Variants in MARVELD3 observed in about 807,000 individuals in gnomAD.
MARVELD3 encodes MARVEL domain containing 3.
In MARVELD3, 28 loss-of-function variants were observed where a neutral mutation model predicts 33.5. That is an observed-to-expected ratio of 0.84 (90% CI 0.62 to 1.15). The LOEUF is 1.15. Among genes scored for constraint, MARVELD3 ranks in the 50% most tolerant of loss-of-function variants. MARVELD3 has a pLI of 0.00. For synonymous variants in MARVELD3, 241 were observed against 230.4 expected, an observed-to-expected ratio of 1.05 and a Z score of -0.42; for missense variants, 582 against 547.6, an observed-to-expected ratio of 1.06 and a Z score of -0.63.
rs368439463 is a variant in MARVELD3, at chr16:71,634,517, G to T, written c.920G>T (p.Gly307Val). The T allele has an allele frequency of 3.8e-5, 61 of 1,614,174 alleles. No homozygotes were observed. The highest frequency in any genetic ancestry group is 3.0e-4 in the South Asian group (27 of 91,084). Residue 307 changes from glycine to valine, a missense_variant, in exon 3 of 3, where the codon GGC (glycine) becomes GTC (valine). Coordinates refer to ENST00000268485, the MANE Select transcript of MARVELD3 (RefSeq NM_052858.6). Reference protein sequence around the residue: ...WHCPLLLVTEGLLDMLIAGGY... With the variant: ...WHCPLLLVTEVLLDMLIAGGY... ...TGTCCACTGTTGCTGGTGACCGAAG[G>T]CTTGTTGGACATGCTCATCGCGGGG...
At chr16:71,633,433 G>A (rs1399088992) in intron 2 of MARVELD3, among the ~76,000 whole-genome samples, 3 of 152,096 alleles carry the variant, frequency 2.0e-5, no homozygotes, top group Admixed American at 1.3e-4. Context: ...ACGGAGTGTC[G>A]CCCAGGCTAG....
rs1331439529 is a variant in MARVELD3 at position 71,634,290 on chromosome 16, CT to C, written c.695del (p.Leu232TrpfsTer34). On this transcript the variant is annotated frameshift_variant, in exon 3 of 3. Transcript: ENST00000268485. LOFTEE classifies it high-confidence loss of function. The part of the protein sequence containing the change: ...STGGYTGITS[L>X]GGIYYYQFGG... ...CAGGGGGCTACACGGGCATCACCAG[CT>C]TGGGGGGCATTTACTACTATCAGTT... The C allele has an allele frequency of 6.2e-7, 1 of 1,614,056 alleles. No individual in the cohort carries two copies. Among genetic ancestry groups the C allele is most frequent in the East Asian group, 2.2e-5 (1 of 44,886 alleles).
intron 2 of MARVELD3, among the ~76,000 whole-genome samples, chr16:71,631,426 T>G (rs986550490): frequency 6.6e-6 from 1 of 152,226 alleles, no homozygotes; most frequent in African/African-American, 2.4e-5. Context: ...TTTCTTTTTT[T>G]GTTGTTGTTA....
At chr16:71,629,964 A>G (rs759664274) in intron 2 of MARVELD3, among the ~76,000 whole-genome samples, 16 of 152,150 alleles carry the variant, frequency 1.1e-4, no homozygotes, top group South Asian at 2.1e-4. Context: ...GACTGAGGCC[A>G]GGCACAGTGG....
chr16:71,640,896 G>A (rs368492439), downstream of MARVELD3: 10 of 1,614,182 alleles, frequency 6.2e-6, no homozygotes, highest in East Asian at 2.2e-5. Context: ...TTGTCTTCTC[G>A]TGATCATGTA....
Position 71,629,426 on chromosome 16 carries a change from A to G in MARVELD3, c.527A>G (p.Glu176Gly). Residue 176 changes from glutamate (E) to glycine (G), a missense_variant, in exon 2 of 3, where the codon GAA becomes GGA. Coordinates refer to ENST00000268485, the MANE Select transcript of MARVELD3 (RefSeq NM_052858.6). ...STPRPGREEV[E>G]YYQSEAEGLL... ...CCCAGGCCTGGACGAGAGGAGGTGGAATATTACCAGTCAGAGGCGGAAGGA... is the reference window on the plus strand; with the variant it reads ...CCCAGGCCTGGACGAGAGGAGGTGGGATATTACCAGTCAGAGGCGGAAGGA... 6.3e-7 allele frequency: 1 copy of G among 1,584,044 alleles called. No individual in the cohort carries two copies. The highest frequency in any genetic ancestry group is 8.6e-7 in the Non-Finnish European group (1 of 1,167,952).
Position 71,626,640 on chromosome 16 carries a change from C to T in MARVELD3, c.411C>T (p.Ala137=), listed in dbSNP as rs1229132128. ...CTCCTGGGCCCGCGCCCTGGGAAGC[C>T]CCGGAGCCGCCGCAGCCGCAGAGGA... ...AAPPGPAPWE[A]PEPPQPQRKG... is the part of the protein sequence containing the mutation. The change falls in exon 1 of 3, where the codon GCC becomes GCT. Residue 137 remains alanine (A), a synonymous_variant. Transcript: ENST00000268485. This position sits in a 1 kb window ranked among gnomAD's most constrained non-coding sequence, Gnocchi z 5.3. The T allele has an allele frequency of 6.5e-7, 1 of 1,535,282 alleles. No homozygotes were observed. Among genetic ancestry groups the T allele is most frequent in the African/African-American group, 1.4e-5 (1 of 72,656 alleles).
rs777469617 is a variant in MARVELD3 at position 71,629,405 on chromosome 16, G to A, written c.506G>A (p.Arg169Lys). The change falls in exon 2 of 3, where the codon AGG (arginine) becomes AAG (lysine). Residue 169 changes from arginine to lysine, a missense_variant. Coordinates refer to ENST00000268485, the MANE Select transcript of MARVELD3 (RefSeq NM_052858.6). ...PSERYLPSTP[R>K]PGREEVEYYQ... ...GAGAGATATCTGCCCTCGACCCCCAGGCCTGGACGAGAGGAGGTGGAATAT... is the reference window on the plus strand; with the variant it reads ...GAGAGATATCTGCCCTCGACCCCCAAGCCTGGACGAGAGGAGGTGGAATAT... 2.5e-6 allele frequency: 4 copies of A among 1,575,442 alleles called. No homozygotes were observed. The South Asian group carries it at 4.7e-5, about 19-fold the overall frequency.
Position 71,626,236 on chromosome 16 carries a change from G to A in MARVELD3, c.7G>A (p.Asp3Asn). ...GGGGACACGGAACCCGGCCATGGAA[G>A]ATCCGTCGGGGGCTCGCGAGCCCCG... The part of the protein sequence containing the change: ME[D>N]PSGAREPRAR... The change falls in exon 1 of 3, where the codon GAT becomes AAT. Residue 3 changes from aspartate (D) to asparagine (N), a missense_variant. Asp to Asn is a conservative substitution (Grantham distance 23). Transcript: ENST00000268485. The surrounding 1 kb of genome is among the most constrained non-coding windows in gnomAD (Gnocchi z 5.3). The A allele has an allele frequency of 6.7e-7, 1 of 1,491,058 alleles. No homozygotes were observed. The highest frequency in any genetic ancestry group is 1.3e-5 in the South Asian group (1 of 74,530). 92.4% of individuals were successfully genotyped at this position (1,491,058 alleles called of 1,614,324 possible).
In MARVELD3 at chr16:71,626,353, C is replaced by A. The variant is rs373036309; in HGVS notation, c.124C>A (p.Arg42Ser). The A allele has an allele frequency of 8.4e-4, 1,305 of 1,548,064 alleles. 19 individuals carry two copies. The South Asian group carries it at 0.014, about 17-fold the overall frequency. ...DRPRDRPGDP[R>S]RKRSSDGNRR... ...ACCGCGGGACCGACCCGGGGACCCG[C>A]GCAGGAAGCGAAGCAGCGACGGGAA... is the stretch of plus-strand genomic sequence containing the variant. The change falls in exon 1 of 3, where the codon CGC becomes AGC. Residue 42 changes from arginine (R) to serine (S), a missense_variant. Coordinates refer to ENST00000268485, the MANE Select transcript of MARVELD3 (RefSeq NM_052858.6). The surrounding 1 kb of genome is among the most constrained non-coding windows in gnomAD (Gnocchi z 5.3).
At chr16:71,628,454 T>C (rs1303723849) in intron 1 of MARVELD3, among the ~76,000 whole-genome samples, 2 of 151,930 alleles carry the variant, frequency 1.3e-5, no homozygotes, top group Non-Finnish European at 2.9e-5. Flanking sequence ...GGAGGACTGC[T>C]TGAACCTGGG....
rs868379859 is a variant in MARVELD3, at chr16:71,635,056, G to C, written c.*253G>C. 8.6e-7 allele frequency: 1 copy of C among 1,159,532 alleles called. No individual in the cohort carries two copies. Among genetic ancestry groups the C allele is most frequent in the Non-Finnish European group, 1.1e-6 (1 of 935,834 alleles). 71.8% of individuals were successfully genotyped at this position (1,159,532 alleles called of 1,614,324 possible). A position where few individuals can be genotyped will look rare whatever the true frequency, so the allele number is the denominator to read the frequency against. Reference sequence around the variant, plus strand: ...AAAAAGCAAAAAAATGGCCGGCCTCGGCGGCTCACACCTGTAACCCCAGCA... The same window carrying C: ...AAAAAGCAAAAAAATGGCCGGCCTCCGCGGCTCACACCTGTAACCCCAGCA... On this transcript the variant is annotated 3_prime_UTR_variant, in exon 3 of 3. Coordinates refer to ENST00000268485, the MANE Select transcript of MARVELD3 (RefSeq NM_052858.6).
chr16:71,633,507 C>T (rs1812125701), intron 2 of MARVELD3, among the ~76,000 whole-genome samples: 1 of 152,078 alleles, frequency 6.6e-6, no homozygotes, highest in Non-Finnish European at 1.5e-5. Flanking sequence ...GATTCTCCTA[C>T]CTCAGCCTCC....
chr16:71,639,492 A>C (rs374789328), downstream of MARVELD3, among the ~76,000 whole-genome samples: 5 of 137,982 alleles, frequency 3.6e-5, no homozygotes, highest in African/African-American at 1.1e-4. Flanking sequence ...TGTCACCCAG[A>C]CTGGAGTGCA....
At chr16:71,641,087 A>G (rs767930440), downstream of MARVELD3, 2 of 1,533,784 alleles carry the variant, frequency 1.3e-6, no homozygotes, top group Non-Finnish European at 1.8e-6. Flanking sequence ...AGGTCTTTTA[A>G]AACTCCGCAT....
downstream of MARVELD3, chr16:71,640,822 G>A (rs763956465): frequency 2.0e-5 from 33 of 1,614,096 alleles, no homozygotes; most frequent in Non-Finnish European, 2.5e-5. Context: ...CTCTATGCCC[G>A]CAAGGGTCTC....
Position 71,634,788 on chromosome 16 carries a change from A to T in MARVELD3, c.1191A>T (p.Glu397Asp). Residue 397 changes from glutamate to aspartate, a missense_variant, in exon 3 of 3, where the codon GAA (glutamate) becomes GAT (aspartate). Transcript: ENST00000268485. Reference protein sequence around the residue: ...KVRKLKEKPAEMFEF With the variant: ...KVRKLKEKPADMFEF Reference sequence around the variant, plus strand: ...GGAAGCTAAAAGAGAAGCCAGCAGAAATGTTTGAATTTTAAGGGTTTCTAA... The same window carrying T: ...GGAAGCTAAAAGAGAAGCCAGCAGATATGTTTGAATTTTAAGGGTTTCTAA... 6.3e-7 allele frequency: 1 copy of T among 1,598,700 alleles called. No homozygotes were observed. The highest frequency in any genetic ancestry group is 2.2e-5 in the East Asian group (1 of 44,710).
chr16:71,628,410 G>A (rs1191853761), intron 1 of MARVELD3, among the ~76,000 whole-genome samples: 3 of 152,008 alleles, frequency 2.0e-5, no homozygotes, highest in Admixed American at 1.3e-4. Context: ...GGTGGCGCAC[G>A]CCTGTAATCT....
downstream of MARVELD3, among the ~76,000 whole-genome samples, chr16:71,639,545 C>T (rs189710638): frequency 6.1e-5 from 9 of 148,432 alleles, no homozygotes; most frequent in East Asian, 1.8e-3. Context: ...CTCCTGGGTT[C>T]AAGCAATTCT....
Sources: allele counts gnomAD v4.1 joint callset (sites outside exome capture counted in the v4.1 genomes callset), GRCh38; gene constraint gnomAD v4.1.1; non-coding constraint Gnocchi (gnomAD v3.1); transcripts MANE v1.5; gene names NCBI Gene and HGNC (gene_info 2026-07-23, HGNC 2026-07-21).